Variants in RAD51B observed in about 807,000 individuals in gnomAD.
RAD51B encodes the protein RAD51 paralog B.
A neutral mutation model predicts 42.2 loss-of-function variants in RAD51B; 38 were observed. That is an observed-to-expected ratio of 0.90 (90% CI 0.70 to 1.18). The LOEUF (loss-of-function observed/expected upper bound fraction) is 1.18. Among genes scored for constraint, RAD51B ranks in the 50% most tolerant of loss-of-function variants. RAD51B has a pLI of 0.00. For missense variants in RAD51B, 373 were observed against 400.7 expected, an observed-to-expected ratio of 0.93 and a Z score of 0.59; for synonymous variants, 154 against 145.2, an observed-to-expected ratio of 1.06 and a Z score of -0.43.
intron 7 of RAD51B, among the ~76,000 whole-genome samples, chr14:68,093,728 C>T (rs2077143850): frequency 6.6e-6 from 1 of 152,248 alleles, no homozygotes; most frequent in South Asian, 2.1e-4. Flanking sequence ...TTAGTTATTT[C>T]TTGCCTTCTG....
chr14:68,058,954 A>G (rs2076524156), intron 7 of RAD51B, among the ~76,000 whole-genome samples: 1 of 152,180 alleles, frequency 6.6e-6, no homozygotes, highest in Non-Finnish European at 1.5e-5. Flanking sequence ...AGAGACATCA[A>G]ATATACCACT....
At chr14:68,363,192 CCT>C (rs2083068272) in intron 8 of RAD51B, among the ~76,000 whole-genome samples, 1 of 152,142 alleles carries the variant, frequency 6.6e-6, no homozygotes, top group Non-Finnish European at 1.5e-5. Flanking sequence ...TTTGCTTACC[CCT>C]GAGACTGCAA....
At chr14:68,345,312 T>G (rs907177800) in intron 8 of RAD51B, among the ~76,000 whole-genome samples, 3 of 152,118 alleles carry the variant, frequency 2.0e-5, no homozygotes, top group African/African-American at 7.2e-5. Flanking sequence ...TAGATATTTG[T>G]CCCCTCCAAA....
At chr14:68,525,540 A>G (rs1264947163) in intron 10 of RAD51B, among the ~76,000 whole-genome samples, 1 of 152,178 alleles carries the variant, frequency 6.6e-6, no homozygotes, top group African/African-American at 2.4e-5. Context: ...GGGAATTCTC[A>G]TGGTTCTCCT....
intron 7 of RAD51B, among the ~76,000 whole-genome samples, chr14:68,055,897 T>C (rs2076466255): frequency 6.6e-6 from 1 of 152,126 alleles, no homozygotes; most frequent in Non-Finnish European, 1.5e-5. Flanking sequence ...TCCAATTCAA[T>C]ATGGAAGAAA....
chr14:68,023,386 A>G (rs2075900598), intron 7 of RAD51B, among the ~76,000 whole-genome samples: 1 of 151,952 alleles, frequency 6.6e-6, no homozygotes, highest in Admixed American at 6.6e-5. Flanking sequence ...TCCAGGCTGG[A>G]GTGAAGTCCT....
chr14:68,644,309 G>T (rs186200278), intron 10 of RAD51B, among the ~76,000 whole-genome samples: 303 of 152,122 alleles, frequency 2.0e-3, no homozygotes, highest in African/African-American at 6.9e-3. Context: ...CCCCTTTCTG[G>T]TGCCCAGGCA....
At chr14:68,235,466 A>G (rs2080229711) in intron 7 of RAD51B, among the ~76,000 whole-genome samples, 1 of 151,716 alleles carries the variant, frequency 6.6e-6, no homozygotes, top group Admixed American at 6.6e-5. Context: ...GCACTTTGGG[A>G]GGCCGAGGCG....
intron 7 of RAD51B, among the ~76,000 whole-genome samples, chr14:68,250,609 A>AG: frequency 6.6e-6 from 1 of 152,354 alleles, no homozygotes; most frequent in East Asian, 1.9e-4. Context: ...AGCATATCCA[A>AG]AATAGGTAAA....
At chr14:68,219,505 T>A (rs1366642528) in intron 7 of RAD51B, among the ~76,000 whole-genome samples, 1 of 151,978 alleles carries the variant, frequency 6.6e-6, no homozygotes, top group African/African-American at 2.4e-5. Flanking sequence ...TGAAGACAGA[T>A]CACATCACAG....
At position 68,148,412 on chromosome 14, in the gene RAD51B, T is replaced by A. The variant is rs76576320; in HGVS notation, c.757-143472T>A. ...CTTTGTAAGAAACTGCCAAACTGTC[T>A]GTACCATTTTGCTTTCTCACCAGCA... On this transcript the variant is annotated intron_variant, in intron 7 of 10. Coordinates refer to ENST00000471583, the MANE Select transcript of RAD51B (RefSeq NM_133510.4). Among the ~76,000 whole-genome samples the A allele has an allele frequency of 5.9e-3, 897 of 152,362 alleles. 6 individuals are homozygous for A. Among genetic ancestry groups the A allele is most frequent in the African/African-American group, 0.021 (856 of 41,584 alleles).
intron 7 of RAD51B, among the ~76,000 whole-genome samples, chr14:68,072,142 T>C (rs1308924250): frequency 7.4e-6 from 1 of 135,758 alleles, no homozygotes; most frequent in African/African-American, 2.9e-5. Flanking sequence ...TAATTATATA[T>C]ATATTTTATA....
At chr14:68,546,812 C>T (rs1369780234) in intron 10 of RAD51B, among the ~76,000 whole-genome samples, 1 of 152,098 alleles carries the variant, frequency 6.6e-6, no homozygotes, top group Non-Finnish European at 1.5e-5. Flanking sequence ...GGGCAGAGGT[C>T]AGTGGGAATG....
At chr14:68,350,179 T>C (rs974829423) in intron 8 of RAD51B, among the ~76,000 whole-genome samples, 4 of 152,222 alleles carry the variant, frequency 2.6e-5, no homozygotes, top group African/African-American at 9.7e-5. Context: ...TTCCGTTTGT[T>C]ATGTCTGAGC....
intron 4 of RAD51B, among the ~76,000 whole-genome samples, chr14:67,848,850 G>A (rs950758015): frequency 3.9e-5 from 6 of 152,166 alleles, no homozygotes; most frequent in African/African-American, 1.2e-4. Flanking sequence ...CACTTATGAA[G>A]CTTAGTTTGT....
At chr14:68,501,500 T>A (rs924014251) in intron 10 of RAD51B, among the ~76,000 whole-genome samples, 4 of 152,228 alleles carry the variant, frequency 2.6e-5, no homozygotes, top group African/African-American at 9.6e-5. Context: ...GCAAACTCGC[T>A]GACAGCTACC....
At chr14:68,631,525 G>T (rs555453815) in intron 10 of RAD51B, among the ~76,000 whole-genome samples, 9 of 152,278 alleles carry the variant, frequency 5.9e-5, no homozygotes, top group Admixed American at 1.3e-4. Flanking sequence ...TGCTAGAATG[G>T]ATGGAACTTG....
intron 7 of RAD51B, among the ~76,000 whole-genome samples, chr14:67,950,233 G>A (rs1437010143): frequency 6.6e-6 from 1 of 152,168 alleles, no homozygotes; most frequent in East Asian, 1.9e-4. Context: ...GTGTGAGGCT[G>A]TTTTATCTGT....
intron 8 of RAD51B, among the ~76,000 whole-genome samples, chr14:68,300,546 T>A (rs2081707843): frequency 6.6e-6 from 1 of 152,212 alleles, no homozygotes; most frequent in African/African-American, 2.4e-5. Flanking sequence ...AGAAGTTACC[T>A]ATCACTAGTC....
Sources: gnomAD v4.1 joint callset for allele counts (sites outside exome capture counted in the v4.1 genomes callset) on GRCh38, gnomAD v4.1.1 for gene constraint, MANE v1.5 for transcripts, NCBI Gene and HGNC (gene_info 2026-07-23, HGNC 2026-07-21) for gene names.